The following SLC39A11 variants were observed in gnomAD, a reference collection of about 807,000 sequenced individuals.
SLC39A11 encodes the protein solute carrier family 39 member 11, also known as zinc transporter ZIP11.
A neutral mutation model predicts 36.1 loss-of-function variants in SLC39A11; 33 were observed. The observed-to-expected ratio is 0.91, with a 90% confidence interval of 0.69 to 1.22. SLC39A11 has a LOEUF of 1.22. Among genes scored for constraint, SLC39A11 ranks in the 50% most tolerant of loss-of-function variants. SLC39A11 has a pLI of 0.00. For missense variants in SLC39A11, 432 were observed against 430.3 expected (o/e 1.00, Z -0.03); for synonymous variants, 166 against 170.3 (o/e 0.97, Z 0.20).
At chr17:73,044,221 C>G (rs1337393617) in intron 3 of SLC39A11, among the ~76,000 whole-genome samples, 2 of 152,154 alleles carry the variant, frequency 1.3e-5, no homozygotes, top group East Asian at 1.9e-4. Context: ...TGAAAACATA[C>G]GTCCACACAA....
Position 72,696,390 on chromosome 17 carries a change from C to G in SLC39A11, c.671+40260G>C, listed in dbSNP as rs933977121. ...TACAAGGTACCTACCAGGACAGCTG[C>G]AAGAGGGGACGTGGCTAATACTAAT... is the stretch of plus-strand genomic sequence containing the variant. On this transcript the variant is annotated intron_variant, in intron 7 of 9. Coordinates refer to ENST00000255559, the MANE Select transcript of SLC39A11 (RefSeq NM_139177.4). 2.6e-5 allele frequency among the ~76,000 whole-genome samples: 4 copies of G among 152,250 alleles called. No homozygotes were observed. The South Asian group carries it at 6.2e-4, about 24-fold the overall frequency.
chr17:72,714,126 C>A (rs1268018122), intron 7 of SLC39A11, among the ~76,000 whole-genome samples: 1 of 152,104 alleles, frequency 6.6e-6, no homozygotes. Context: ...GAGGCCGAGG[C>A]GGGTGGATGA....
intron 4 of SLC39A11, among the ~76,000 whole-genome samples, chr17:73,006,014 G>A (rs1313583562): frequency 6.6e-6 from 1 of 151,830 alleles, no homozygotes; most frequent in Non-Finnish European, 1.5e-5. Context: ...TACCTCACAA[G>A]ACAATGCCTA....
At chr17:72,952,589 A>G (rs189623323) in intron 4 of SLC39A11, among the ~76,000 whole-genome samples, 323 of 152,360 alleles carry the variant, frequency 2.1e-3, no homozygotes, top group Middle Eastern at 6.8e-3. Context: ...CCCGTGCATG[A>G]GGAACCAAGG....
At chr17:72,864,568 C>A (rs534889646) in intron 5 of SLC39A11, among the ~76,000 whole-genome samples, 137 of 152,256 alleles carry the variant, frequency 9.0e-4, no homozygotes, top group Non-Finnish European at 1.5e-3. Flanking sequence ...CATAGATACA[C>A]ATGGAAAACG....
chr17:72,874,499 C>A (rs1030564695), intron 5 of SLC39A11, among the ~76,000 whole-genome samples: 3 of 152,162 alleles, frequency 2.0e-5, no homozygotes, highest in African/African-American at 7.2e-5. Flanking sequence ...AAAGCTGACA[C>A]CAGGAGGGAG....
chr17:72,956,370 G>A (rs1362372053), intron 4 of SLC39A11, among the ~76,000 whole-genome samples: 3 of 152,194 alleles, frequency 2.0e-5, no homozygotes, highest in African/African-American at 4.8e-5. Flanking sequence ...ACAGCTCTAT[G>A]AGAATCTGCA....
chr17:72,953,966 T>C (rs1303021497), intron 4 of SLC39A11, among the ~76,000 whole-genome samples: 1 of 152,234 alleles, frequency 6.6e-6, no homozygotes, highest in Non-Finnish European at 1.5e-5. Flanking sequence ...CATTTTGTTC[T>C]GAGGTTTCAT....
At position 73,068,170 on chromosome 17, in the gene SLC39A11, A is replaced by C; in HGVS notation, c.147+16638T>G. The C allele has an allele frequency of 2.4e-6, 3 of 1,256,464 alleles. No homozygotes were observed. The Admixed American group carries it at 5.8e-5, about 24-fold the overall frequency. The allele number at this position is 1,256,464 out of a possible 1,614,324, so 77.8% of individuals were successfully genotyped here. ...CAGCAGGTTCCTCTGTTCCCGGAGA[A>C]ACTGCAGTGGAAGACGGGGGCTCCA... On this transcript the variant is annotated intron_variant, in intron 3 of 9. Coordinates refer to ENST00000255559, the MANE Select transcript of SLC39A11 (RefSeq NM_139177.4).
intron 3 of SLC39A11, among the ~76,000 whole-genome samples, chr17:73,055,629 G>C (rs912298769): frequency 6.8e-6 from 1 of 146,984 alleles, no homozygotes; most frequent in Non-Finnish European, 1.5e-5. Flanking sequence ...GGGAAGGCGG[G>C]TAGGGGGCGA....
chr17:73,078,090 T>C (rs1002164117), intron 3 of SLC39A11, among the ~76,000 whole-genome samples: 24 of 151,848 alleles, frequency 1.6e-4, no homozygotes, highest in African/African-American at 5.3e-4. Context: ...TACAAAAAAT[T>C]AGCCGGGTGT....
At chr17:72,827,482 A>G (rs1160177466) in intron 6 of SLC39A11, among the ~76,000 whole-genome samples, 2 of 152,242 alleles carry the variant, frequency 1.3e-5, no homozygotes, top group African/African-American at 2.4e-5. Flanking sequence ...CAAATGGGTG[A>G]ATTGTAGGCT....
chr17:72,965,861 A>G lies in SLC39A11; in HGVS notation c.307-17986T>C, dbSNP rs377143947. On this transcript the variant is annotated intron_variant, in intron 4 of 9. Coordinates refer to ENST00000255559, the MANE Select transcript of SLC39A11 (RefSeq NM_139177.4). ...GTTAGATACCTGACCTTGTCACTTCAACTCTTGTTCATAAAACTAGGGAAT... is the reference window on the plus strand; with the variant it reads ...GTTAGATACCTGACCTTGTCACTTCGACTCTTGTTCATAAAACTAGGGAAT... Among the ~76,000 whole-genome samples, 4 of 152,328 alleles carry G rather than the reference A, an allele frequency of 2.6e-5. No individual in the cohort carries two copies. In the South Asian group the frequency reaches 8.3e-4, roughly 32 times the overall value.
intron 3 of SLC39A11, among the ~76,000 whole-genome samples, chr17:73,036,231 T>C (rs1191123955): frequency 1.3e-5 from 2 of 152,206 alleles, no homozygotes; most frequent in Non-Finnish European, 2.9e-5. Context: ...ATGTTACTTT[T>C]CTTAAACTTT....
chr17:73,037,960 C>A (rs1411090807), intron 3 of SLC39A11, among the ~76,000 whole-genome samples: 1 of 152,232 alleles, frequency 6.6e-6, no homozygotes, highest in African/African-American at 2.4e-5. Flanking sequence ...CAGGGGCTTA[C>A]GCCCATAATC....
At chr17:72,823,003 C>T (rs2714003) in intron 6 of SLC39A11, among the ~76,000 whole-genome samples, 7,136 of 151,062 alleles carry the variant, frequency 0.047, 574 homozygotes, top group African/African-American at 0.16. Context: ...CCCAAAGTGC[C>T]GGGATTATAG....
chr17:72,733,373 A>C (rs924407442), intron 7 of SLC39A11, among the ~76,000 whole-genome samples: 2 of 152,190 alleles, frequency 1.3e-5, no homozygotes, highest in Admixed American at 6.5e-5. Flanking sequence ...TTTTTCATAC[A>C]AATTGTGTTT....
At chr17:72,912,661 T>A (rs1398325621) in intron 5 of SLC39A11, among the ~76,000 whole-genome samples, 1 of 152,060 alleles carries the variant, frequency 6.6e-6, no homozygotes, top group Non-Finnish European at 1.5e-5. Context: ...GAGGAGAACC[T>A]GAGGGTACGG....
intron 5 of SLC39A11, among the ~76,000 whole-genome samples, chr17:72,929,863 A>C (rs137904074): frequency 2.0e-5 from 3 of 152,172 alleles, no homozygotes; most frequent in African/African-American, 7.2e-5. Context: ...CGCTGTGTTA[A>C]ATGTATGGTA....
Sources: gnomAD v4.1 joint callset for allele counts (sites outside exome capture counted in the v4.1 genomes callset) on GRCh38, gnomAD v4.1.1 for gene constraint, MANE v1.5 for transcripts, NCBI Gene and HGNC (gene_info 2026-07-23, HGNC 2026-07-21) for gene names.